Variants in REDIC1 observed in about 807,000 individuals in gnomAD.
REDIC1 encodes regulator of DNA class I crossover intermediates 1, also known as HEI10 Interacting Protein 1.
At chr12:39,646,411 G>A in the REDIC1 span, 2 of 1,492,072 alleles carry the variant, frequency 1.3e-6, no homozygotes, top group African/African-American at 1.5e-5. Flanking sequence ...AACTTACAAT[G>A]TCGCCTCACT....
chr12:39,626,334 A>C, the REDIC1 span: 10 of 1,613,960 alleles, frequency 6.2e-6, no homozygotes, highest in East Asian at 2.2e-4. Flanking sequence ...AAGATTTGGG[A>C]AGATGAATTG....
At chr12:39,735,216 G>A in the REDIC1 span, among the ~76,000 whole-genome samples, 6 of 152,126 alleles carry the variant, frequency 3.9e-5, no homozygotes, top group Non-Finnish European at 7.3e-5. Context: ...TAACAACATT[G>A]TTAGTGAAGG....
the REDIC1 span, among the ~76,000 whole-genome samples, chr12:39,660,507 T>A: frequency 4.6e-5 from 7 of 152,262 alleles, no homozygotes; most frequent in Admixed American, 1.3e-4. Context: ...GTTCTTTTTT[T>A]TTAAATTTTT....
chr12:39,855,102 G>A, the REDIC1 span, among the ~76,000 whole-genome samples: 2 of 152,170 alleles, frequency 1.3e-5, no homozygotes, highest in South Asian at 4.1e-4. Flanking sequence ...TAAGGTAGTT[G>A]CAGAAATCTC....
the REDIC1 span, among the ~76,000 whole-genome samples, chr12:39,704,094 G>T: frequency 6.6e-6 from 1 of 152,096 alleles, no homozygotes; most frequent in Non-Finnish European, 1.5e-5. Context: ...AAAGTAAAGA[G>T]CTTCTGCACA....
At chr12:39,713,227 T>TATACGTTTATATATGTGTACACACAC in the REDIC1 span, among the ~76,000 whole-genome samples, 2 of 134,256 alleles carry the variant, frequency 1.5e-5, no homozygotes, top group Non-Finnish European at 3.2e-5. Flanking sequence ...ATATTACACA[T>TATACGTTTATATATGTGTACACACAC]ATACGTGTAT....
At chr12:39,860,056 A>G in the REDIC1 span, among the ~76,000 whole-genome samples, 3 of 152,200 alleles carry the variant, frequency 2.0e-5, no homozygotes, top group Non-Finnish European at 4.4e-5. Context: ...TAGAAAAAGA[A>G]GCTGTTGTGT....
the REDIC1 span, among the ~76,000 whole-genome samples, chr12:39,671,267 G>A: frequency 2.0e-5 from 3 of 152,228 alleles, no homozygotes; most frequent in Non-Finnish European, 2.9e-5. Flanking sequence ...GATACATGCA[G>A]TAGTGTAGTC....
the REDIC1 span, chr12:39,626,376 G>C: frequency 1.9e-6 from 3 of 1,614,122 alleles, no homozygotes; most frequent in Non-Finnish European, 2.5e-6. Context: ...TGTGCAGCTG[G>C]AGTTTGAGGC....
At chr12:39,704,040 A>T in the REDIC1 span, among the ~76,000 whole-genome samples, 13 of 152,346 alleles carry the variant, frequency 8.5e-5, 1 homozygote, top group Admixed American at 7.8e-4. Context: ...AAAACACCAA[A>T]AGCAATGGCA....
chr12:39,635,871 G>GA, the REDIC1 span, among the ~76,000 whole-genome samples: 1 of 152,036 alleles, frequency 6.6e-6, no homozygotes, highest in South Asian at 2.1e-4. Context: ...TCCATGTCTA[G>GA]CTACCTGTAA....
At chr12:39,799,950 A>G in the REDIC1 span, among the ~76,000 whole-genome samples, 1 of 152,200 alleles carries the variant, frequency 6.6e-6, no homozygotes, top group African/African-American at 2.4e-5. Context: ...AGTGTTCCCC[A>G]TGTGCAGTGG....
the REDIC1 span, among the ~76,000 whole-genome samples, chr12:39,691,238 G>A: frequency 2.0e-5 from 3 of 152,100 alleles, no homozygotes; most frequent in Admixed American, 6.6e-5. Flanking sequence ...AAGGGAGGCC[G>A]GGAAATACAG....
At chr12:39,752,315 G>A in the REDIC1 span, among the ~76,000 whole-genome samples, 1 of 152,112 alleles carries the variant, frequency 6.6e-6, no homozygotes, top group African/African-American at 2.4e-5. Context: ...AAACCCTATT[G>A]TGAACTGTGC....
the REDIC1 span, among the ~76,000 whole-genome samples, chr12:39,627,970 G>T: frequency 6.6e-6 from 1 of 152,184 alleles, no homozygotes; most frequent in Non-Finnish European, 1.5e-5. Flanking sequence ...GGTGATGGTG[G>T]TAGTTAAAAT....
chr12:39,731,079 T>C, the REDIC1 span, among the ~76,000 whole-genome samples: 28 of 152,192 alleles, frequency 1.8e-4, 1 homozygote, highest in Admixed American at 1.8e-3. Flanking sequence ...GTTCTTAGCT[T>C]CCTTGCATTG....
the REDIC1 span, chr12:39,643,680 CAA>C: frequency 8.5e-6 from 7 of 821,326 alleles, no homozygotes; most frequent in African/African-American, 1.3e-4. Context: ...ATAAAAGTAT[CAA>C]GTCAATGACT....
chr12:39,640,955 G>A, the REDIC1 span: 1 of 1,609,282 alleles, frequency 6.2e-7, no homozygotes, highest in Non-Finnish European at 8.5e-7. Context: ...CTTTTTTCAG[G>A]TCCAGGGTTC....
the REDIC1 span, among the ~76,000 whole-genome samples, chr12:39,767,376 G>A: frequency 6.6e-6 from 1 of 151,240 alleles, no homozygotes; most frequent in East Asian, 2.0e-4. Flanking sequence ...GTAAATATAA[G>A]TGCTGTCGTC....
Sources: allele counts gnomAD v4.1 joint callset (sites outside exome capture counted in the v4.1 genomes callset), GRCh38; gene constraint gnomAD v4.1.1; transcripts MANE v1.5; gene names NCBI Gene and HGNC (gene_info 2026-07-23, HGNC 2026-07-21).